Variants in SLC49A3 observed in about 807,000 individuals in gnomAD.
The protein encoded by SLC49A3 is solute carrier family 49 member A3.
SLC49A3 carries 50 observed loss-of-function variants against 43.8 expected under a neutral mutation model. The observed-to-expected ratio is 1.14, with a 90% CI of 0.91 to 1.45. The LOEUF (loss-of-function observed/expected upper bound fraction) is 1.45, where lower values mean the gene tolerates loss of function less well. Among genes scored for constraint, SLC49A3 ranks in the 40% most tolerant of loss-of-function variants. The probability of loss-of-function intolerance (pLI) is 0.00; values close to 1 mark genes in which losing one functional copy is unlikely to be tolerated. For missense variants in SLC49A3, 906 were observed against 774.1 expected, an observed-to-expected ratio of 1.17 and a Z score of -2.02; for synonymous variants, 413 against 352.0, an observed-to-expected ratio of 1.17 and a Z score of -1.94.
chr4:684,912 C>A, intron 4 of SLC49A3, 56 bp from the exon 5 acceptor site: 4 of 1,559,472 alleles, frequency 2.6e-6, no homozygotes, highest in Middle Eastern at 2.2e-4. Context: ...CCACACACGC[C>A]GCAGCCCTGC....
At chr4:681,628 C>CTT (rs1739585824), downstream of SLC49A3, among the ~76,000 whole-genome samples, 1 of 94,826 alleles carries the variant, frequency 1.1e-5, no homozygotes, top group Non-Finnish European at 2.2e-5. Context: ...CCGCCCCGCC[C>CTT]CCTCCAGCGC....
Position 689,055 on chromosome 4 carries a change from T to G in SLC49A3, c.73A>C (p.Thr25Pro). 6.3e-7 allele frequency: 1 copy of G among 1,582,286 alleles called. No individual in the cohort carries two copies. The highest frequency in any genetic ancestry group is 8.6e-7 in the Non-Finnish European group (1 of 1,168,114). ...RALCAQRGHR[T>P]YARRWVFLLA... ...AGGAACACCCAGCGGCGCGCGTAGG[T>G]GCGGTGGCCCCGCTGCGCGCACAGG... The change falls in exon 1 of 10, where the codon ACC becomes CCC. Residue 25 changes from threonine (T) to proline (P), a missense_variant. Coordinates refer to ENST00000322224, the MANE Select transcript of SLC49A3 (RefSeq NM_032219.4).
At chr4:678,108 A>G, downstream of SLC49A3, 12 of 1,591,388 alleles carry the variant, frequency 7.5e-6, no homozygotes, top group Non-Finnish European at 9.4e-6. Context: ...CGCACAGACG[A>G]GCGTGGGCGT....
In SLC49A3 at chr4:689,084, C is replaced by G; in HGVS notation, c.44G>C (p.Arg15Pro). Residue 15 changes from arginine (R) to proline (P), a missense_variant, in exon 1 of 10, where the codon CGG becomes CCG. Transcript: ENST00000322224. ...TEAETGLAEP[R>P]ALCAQRGHRT... is the part of the protein sequence containing the mutation. ...GTGGCCCCGCTGCGCGCACAGGGCC[C>G]GGGGCTCGGCCAACCCCGTCTCGGC... 1.3e-6 allele frequency: 2 copies of G among 1,538,048 alleles called. No individual in the cohort carries two copies. Among genetic ancestry groups the G allele is most frequent in the Non-Finnish European group, 1.7e-6 (2 of 1,150,142 alleles).
Position 682,054 on chromosome 4 carries a change from G to A in SLC49A3, c.1584C>T (p.Ser528=), listed in dbSNP as rs1404051222. The A allele has an allele frequency of 3.5e-6, 5 of 1,415,934 alleles. No homozygotes were observed. Among genetic ancestry groups the A allele is most frequent in the Non-Finnish European group, 4.7e-6 (5 of 1,072,944 alleles). The allele number at this position is 1,415,934 out of a possible 1,614,324, so 87.7% of individuals were successfully genotyped here. A position where few individuals can be genotyped will look rare whatever the true frequency, so the allele number is the denominator to read the frequency against. ...AQGPAATDAP[S]RPGRLAGRVQ... Reference sequence around the variant, plus strand: ...CCCTGCCTGCGAGTCTGCCGGGGCGGGAGGGCGCGTCGGTGGCTGCTGGGC... The same window carrying A: ...CCCTGCCTGCGAGTCTGCCGGGGCGAGAGGGCGCGTCGGTGGCTGCTGGGC... The change falls in exon 10 of 10, where the codon TCC becomes TCT. Residue 528 remains serine, a synonymous_variant. Transcript: ENST00000322224.
chr4:686,492 C>G (rs1338263320), intron 2 of SLC49A3, 40 bp downstream of exon 2: 1 of 1,601,000 alleles, frequency 6.2e-7, no homozygotes. Flanking sequence ...GGGGCCCCTG[C>G]ACTGTCCCGG....
Position 684,806 on chromosome 4 carries a change from G to T in SLC49A3, c.636C>A (p.Ile212=). The change falls in exon 5 of 10, where the codon ATC becomes ATA. Residue 212 remains isoleucine (I), a synonymous_variant. Coordinates refer to ENST00000322224, the MANE Select transcript of SLC49A3 (RefSeq NM_032219.4). ...TGGGGGGCACACTCTCCCACAGGCA[G>T]ATGGTGGACAGCAGGCAGACGACGC... ...PAGVVCLLST[I]CLWESVPPTP... 6.2e-7 allele frequency: 1 copy of T among 1,612,596 alleles called. No homozygotes were observed.
rs146109331 is a variant in SLC49A3, at chr4:686,212, G to A, written c.385C>T (p.Leu129Phe). 1.4e-3 allele frequency: 2,183 copies of A among 1,613,620 alleles called. 2 individuals are homozygous for A. Among genetic ancestry groups the A allele is most frequent in the Non-Finnish European group, 1.7e-3 (2,027 of 1,180,026 alleles). The change falls in exon 3 of 10, where the codon CTC becomes TTC. Residue 129 changes from leucine to phenylalanine, a missense_variant. Transcript: ENST00000322224. ...GCACAGAGGCTCTGGCCACCCATGA[G>A]GAAGGCAAATGGGTTTTGGGTCCCA... The part of the protein sequence containing the change: ...VVGTQNPFAF[L>F]MGGQSLCALA...
chr4:680,937 G>C (rs1739411919), downstream of SLC49A3: 1 of 837,658 alleles, frequency 1.2e-6, no homozygotes. Context: ...CTGAGTGTGT[G>C]TTGGGAAGGG....
intron 2 of SLC49A3, 33 bp downstream of exon 2, chr4:686,499 C>A (rs1247601438): frequency 6.2e-7 from 1 of 1,604,778 alleles, no homozygotes; most frequent in Admixed American, 1.7e-5. Context: ...CTGCACTGTC[C>A]CGGAGCGGGC....
chr4:682,814 A>G lies in SLC49A3; in HGVS notation c.1228T>C (p.Cys410Arg), dbSNP rs756717768. 3 of 1,601,374 alleles carry G rather than the reference A, an allele frequency of 1.9e-6. No homozygotes were observed. Among genetic ancestry groups the G allele is most frequent in the Non-Finnish European group, 2.6e-6 (3 of 1,172,362 alleles). The change falls in exon 9 of 10, where the codon TGC becomes CGC. Residue 410 changes from cysteine (C) to arginine (R), a missense_variant. By Grantham distance (180) the Cys-to-Arg change is radical. Transcript: ENST00000322224. ...TCAAGTGGATCCTCCCCCTGCTGGC[A>G]GGTGGACAAGGACGGCTCCGAGCGT... ...VRRSEPSLST[C>R]QQGEDPLDWT...
At chr4:683,405 G>A (rs371483219) in intron 7 of SLC49A3, 38 bp from the exon 8 acceptor site, 3 of 1,593,106 alleles carry the variant, frequency 1.9e-6, no homozygotes, top group East Asian at 4.5e-5. Context: ...AGGTGGAGGG[G>A]GTGGCAGTCA....
Position 685,812 on chromosome 4 carries a change from A to G in SLC49A3, c.585+23T>C. 6.2e-7 allele frequency: 1 copy of G among 1,613,194 alleles called. No individual in the cohort carries two copies. The highest frequency in any genetic ancestry group is 1.7e-4 in the Middle Eastern group (1 of 6,060). ...TGCGCACACACCACACAGACCAGGCACGGGCGTCTCATGACCCCTCACCAT... is the reference window on the plus strand; with the variant it reads ...TGCGCACACACCACACAGACCAGGCGCGGGCGTCTCATGACCCCTCACCAT... On this transcript the variant is annotated intron_variant, in intron 4 of 9. Coordinates refer to ENST00000322224, the MANE Select transcript of SLC49A3 (RefSeq NM_032219.4). The surrounding 1 kb of genome is among the most constrained non-coding windows in gnomAD (Gnocchi z 4.3).
downstream of SLC49A3, chr4:678,018 G>GAAGCAGGCATGGT: frequency 1.2e-6 from 2 of 1,612,558 alleles, no homozygotes; most frequent in Non-Finnish European, 1.7e-6. Flanking sequence ...AAAGCAGGCA[G>GAAGCAGGCATGGT]AAGCAGGCAT....
downstream of SLC49A3, chr4:679,954 C>CA: frequency 6.2e-7 from 1 of 1,613,788 alleles, no homozygotes; most frequent in Non-Finnish European, 8.5e-7. Flanking sequence ...ACGCCATGCT[C>CA]AAAGAGGCCT....
At chr4:682,720 G>T in intron 9 of SLC49A3, 61 bp downstream of exon 9, 1 of 1,364,150 alleles carries the variant, frequency 7.3e-7, no homozygotes, top group Non-Finnish European at 1.0e-6. Context: ...CCCGCTCCCA[G>T]GGAATCTTCA....
intron 1 of SLC49A3, chr4:687,881 A>C (rs2109457741): frequency 6.6e-6 from 1 of 152,362 alleles, no homozygotes; most frequent in African/African-American, 2.4e-5. Flanking sequence ...CCTCAAGGGC[A>C]CTTGGCTGGA....
At position 685,596 on chromosome 4, in the gene SLC49A3, C is replaced by T. The variant is rs1230032213; in HGVS notation, c.585+239G>A. Among the ~76,000 whole-genome samples the T allele has an allele frequency of 6.6e-6, 1 of 152,052 alleles. No homozygotes were observed. The highest frequency in any genetic ancestry group is 1.5e-5 in the Non-Finnish European group (1 of 68,032). ...TGGCGCACGCCTGTAGTCCCAGCTA[C>T]TCGGGAAGATGAGGCAGGGGAATTG... On this transcript the variant is annotated intron_variant, in intron 4 of 9. Coordinates refer to ENST00000322224, the MANE Select transcript of SLC49A3 (RefSeq NM_032219.4). The surrounding 1 kb of genome is among the most constrained non-coding windows in gnomAD (Gnocchi z 4.3).
Position 683,622 on chromosome 4 carries a change from A to G in SLC49A3, c.980T>C (p.Val327Ala). The G allele has an allele frequency of 6.4e-7, 1 of 1,563,416 alleles. No homozygotes were observed. Among genetic ancestry groups the G allele is most frequent in the Non-Finnish European group, 8.7e-7 (1 of 1,152,172 alleles). ...IGLCLFSLAC[V>A]PFALVSQLQG... is the part of the protein sequence containing the mutation. ...GGAGACCCTCACCAGGGCAAAGGGC[A>G]CGCAGGCCAGAGAGAACAGGCACAG... Residue 327 changes from valine to alanine, a missense_variant, in exon 7 of 10, where the codon GTG becomes GCG. Coordinates refer to ENST00000322224, the MANE Select transcript of SLC49A3 (RefSeq NM_032219.4).
Sources: allele counts gnomAD v4.1 joint callset (sites outside exome capture counted in the v4.1 genomes callset), GRCh38; gene constraint gnomAD v4.1.1; non-coding constraint Gnocchi (gnomAD v3.1); transcripts MANE v1.5; gene names NCBI Gene and HGNC (gene_info 2026-07-23, HGNC 2026-07-21).